Variants in KIF18A observed in about 807,000 individuals in gnomAD.
KIF18A encodes the protein kinesin family member 18A, also known as kinesin-like protein KIF18A.
In KIF18A, 67 loss-of-function variants were observed where a neutral mutation model predicts 103.3. The observed-to-expected ratio is 0.65, with a 90% CI of 0.53 to 0.79. KIF18A has a LOEUF of 0.79. Ranked by LOEUF, KIF18A falls within the 30% of genes least tolerant of loss-of-function variation. KIF18A has a pLI of 0.00. For missense variants in KIF18A, 1,032 were observed against 1,062.5 expected (o/e 0.97, Z 0.40); for synonymous variants, 367 against 355.5 (o/e 1.03, Z -0.36).
intron 3 of KIF18A, among the ~76,000 whole-genome samples, chr11:28,093,245 T>C (rs1049417214): frequency 2.0e-5 from 3 of 152,198 alleles, no homozygotes; most frequent in African/African-American, 7.2e-5. Context: ...CTTTTCCCAA[T>C]TGAGTTCAGA....
intron 14 of KIF18A, 26 bp downstream of exon 14, chr11:28,036,191 A>C (rs1280571474): frequency 6.9e-7 from 1 of 1,446,716 alleles, no homozygotes; most frequent in Admixed American, 2.2e-5. Context: ...AAAAAAAAAG[A>C]ATTGGCAAAT....
chr11:28,085,708 C>T (rs1275719364), intron 6 of KIF18A, among the ~76,000 whole-genome samples: 7 of 152,092 alleles, frequency 4.6e-5, no homozygotes, highest in Non-Finnish European at 8.8e-5. Flanking sequence ...GGGCCACTAC[C>T]GGTCTCCGTG....
chr11:28,055,620 A>C (rs1379098122), intron 13 of KIF18A, among the ~76,000 whole-genome samples: 25 of 152,142 alleles, frequency 1.6e-4, no homozygotes, highest in Non-Finnish European at 1.8e-4. Flanking sequence ...ACCTCAGGAA[A>C]CTACAGTTTA....
chr11:28,032,457 A>G (rs1047920768), intron 15 of KIF18A, among the ~76,000 whole-genome samples: 5 of 152,002 alleles, frequency 3.3e-5, no homozygotes, highest in African/African-American at 1.2e-4. Context: ...ACATTACCTG[A>G]CTTCAAATTA....
At position 28,091,478 on chromosome 11, in the gene KIF18A, A is replaced by G. The variant is rs1851303850; in HGVS notation, c.519T>C (p.Asn173=). The change falls in exon 4 of 17, where the codon AAT becomes AAC. Residue 173 remains asparagine, a synonymous_variant. Transcript: ENST00000263181. ...CTTCCCGGACAGCAAGTGGCCCTGA[A>G]TTTACTAAGAGATCACGAATCTGTT... ...YNEQIRDLLV[N]SGPLAVREDT... is the part of the protein sequence containing the mutation. The G allele has an allele frequency of 1.9e-6, 3 of 1,610,904 alleles. No homozygotes were observed. The highest frequency in any genetic ancestry group is 2.5e-6 in the Non-Finnish European group (3 of 1,177,504).
chr11:28,107,155 A>G (rs756669699), intron 1 of KIF18A, among the ~76,000 whole-genome samples: 1 of 152,206 alleles, frequency 6.6e-6, no homozygotes, highest in African/African-American at 2.4e-5. Context: ...TCTAGCATCA[A>G]AGTTTATAAA....
intron 11 of KIF18A, among the ~76,000 whole-genome samples, chr11:28,065,418 T>C (rs1227382920): frequency 6.6e-6 from 1 of 152,054 alleles, no homozygotes; most frequent in Non-Finnish European, 1.5e-5. Context: ...TTATTTGTGA[T>C]AAAATGCATA....
intron 13 of KIF18A, among the ~76,000 whole-genome samples, chr11:28,057,369 G>T (rs1323980072): frequency 6.6e-6 from 1 of 152,048 alleles, no homozygotes; most frequent in East Asian, 1.9e-4. Context: ...CAAAAAATTA[G>T]CCAGGCATGA....
Position 28,097,738 on chromosome 11 carries a change from C to T in KIF18A, c.210G>A (p.Lys70=). The T allele has an allele frequency of 6.2e-7, 1 of 1,609,654 alleles. No homozygotes were observed. Among genetic ancestry groups the T allele is most frequent in the Non-Finnish European group, 8.5e-7 (1 of 1,176,568 alleles). ...TNQNVIKKQN[K]DLKFVFDAVF... is the part of the protein sequence containing the mutation. ...CAGCATCAAATACAAATTTAAGATCCTTATTTTGTTTCTTTATAACATTTT... is the reference window on the plus strand; with the variant it reads ...CAGCATCAAATACAAATTTAAGATCTTTATTTTGTTTCTTTATAACATTTT... Residue 70 remains lysine (K), a synonymous_variant, in exon 2 of 17, where the codon AAG becomes AAA. Transcript: ENST00000263181.
chr11:28,105,992 G>C (rs907407576), intron 1 of KIF18A, among the ~76,000 whole-genome samples: 1 of 152,136 alleles, frequency 6.6e-6, no homozygotes, highest in African/African-American at 2.4e-5. Flanking sequence ...CCAAGATGAC[G>C]TAACAAGTGG....
At chr11:28,067,123 C>T (rs1850942058) in intron 11 of KIF18A, among the ~76,000 whole-genome samples, 1 of 151,816 alleles carries the variant, frequency 6.6e-6, no homozygotes, top group Non-Finnish European at 1.5e-5. Flanking sequence ...CCAGAATTAC[C>T]AAACACTCCA....
At chr11:28,072,521 TAC>T (rs1177560563) in intron 10 of KIF18A, among the ~76,000 whole-genome samples, 2 of 152,162 alleles carry the variant, frequency 1.3e-5, no homozygotes, top group Non-Finnish European at 2.9e-5. Context: ...TTACTCATAC[TAC>T]AGTTTGACAC....
intron 15 of KIF18A, among the ~76,000 whole-genome samples, chr11:28,027,205 A>G (rs1205208666): frequency 5.3e-5 from 8 of 151,820 alleles, no homozygotes. Flanking sequence ...CCATAATCAC[A>G]TAGCAAAGAA....
chr11:28,084,888 G>A lies in KIF18A; in HGVS notation c.898-80C>T, dbSNP rs139247803. 320 of 1,088,562 alleles carry A rather than the reference G, an allele frequency of 2.9e-4. No individual in the cohort carries two copies. The African/African-American group carries it at 4.3e-3, about 15-fold the overall frequency. 67.4% of individuals were successfully genotyped at this position (1,088,562 alleles called of 1,614,324 possible). On this transcript the variant is annotated intron_variant, in intron 6 of 16. Coordinates refer to ENST00000263181, the MANE Select transcript of KIF18A (RefSeq NM_031217.4). ...GCTACCACTTTAGCACTTCACTGTG[G>A]GGGGAGGATTACCTAGGTGCCGAGG...
chr11:28,093,924 G>A (rs965249164), intron 3 of KIF18A, among the ~76,000 whole-genome samples: 1 of 152,078 alleles, frequency 6.6e-6, no homozygotes, highest in Non-Finnish European at 1.5e-5. Context: ...ATGGTAAAAC[G>A]TATCTTCAAA....
chr11:28,028,536 GA>G (rs1223037892), intron 15 of KIF18A, among the ~76,000 whole-genome samples: 3 of 152,096 alleles, frequency 2.0e-5, no homozygotes, highest in Non-Finnish European at 4.4e-5. Context: ...GCAGTGTGTA[GA>G]GGGAAATTTA....
intron 11 of KIF18A, among the ~76,000 whole-genome samples, chr11:28,064,636 A>G (rs1275747564): frequency 6.6e-6 from 1 of 152,032 alleles, no homozygotes; most frequent in African/African-American, 2.4e-5. Context: ...ACATCCTCTG[A>G]TAATCTTATT....
intron 10 of KIF18A, among the ~76,000 whole-genome samples, chr11:28,076,233 T>A (rs1851089643): frequency 6.6e-6 from 1 of 152,124 alleles, no homozygotes; most frequent in South Asian, 2.1e-4. Context: ...ACTGATTAAA[T>A]GTTTGGTCTG....
intron 15 of KIF18A, among the ~76,000 whole-genome samples, chr11:28,031,162 C>T (rs911138624): frequency 4.6e-5 from 7 of 152,134 alleles, no homozygotes; most frequent in Non-Finnish European, 1.5e-5. Flanking sequence ...TACCATTTGA[C>T]CCAGCCATGT....
Sources: allele counts gnomAD v4.1 joint callset (sites outside exome capture counted in the v4.1 genomes callset), GRCh38; gene constraint gnomAD v4.1.1; transcripts MANE v1.5; gene names NCBI Gene and HGNC (gene_info 2026-07-23, HGNC 2026-07-21).